NLGN4Y: variants seen among roughly 807,000 people sequenced by gnomAD.
The protein encoded by NLGN4Y is neuroligin 4 Y-linked, also known as neuroligin-4, Y-linked.
Under a neutral mutation model 8.4 loss-of-function variants are expected in NLGN4Y, and 4 were observed. The ratio of observed to expected loss-of-function variants is 0.48; its 90% confidence interval spans 0.23 to 1.09. The LOEUF (loss-of-function observed/expected upper bound fraction) is 1.09. NLGN4Y is among the 50% of genes least tolerant of loss of function. The pLI, the probability that NLGN4Y is intolerant of heterozygous loss-of-function variation, is 0.19. For synonymous variants in NLGN4Y, 35 were observed against 75.6 expected (o/e 0.46, Z 2.78); for missense variants, 90 against 192.3 (o/e 0.47, Z 3.15).
chrY:14,565,630 G>A, intron 1 of NLGN4Y, among the ~76,000 whole-genome samples: 1 of 32,852 alleles, frequency 3.0e-5, no homozygotes, highest in African/African-American at 1.2e-4. Context: ...CCCCAATCTA[G>A]CAAGATAGTC....
At chrY:14,567,312 C>G in intron 1 of NLGN4Y, among the ~76,000 whole-genome samples, 1 of 26,724 alleles carries the variant, frequency 3.7e-5, no homozygotes, top group Non-Finnish European at 8.6e-5. Flanking sequence ...TTACTGCAAC[C>G]ACTGCCTCCG....
intron 2 of NLGN4Y, among the ~76,000 whole-genome samples, chrY:14,649,751 G>A (rs372987685): frequency 1.2e-4 from 4 of 33,973 alleles, no homozygotes; most frequent in African/African-American, 4.6e-4. Context: ...CTCTGCAGCC[G>A]TGGTACTTTA....
intron 2 of NLGN4Y, among the ~76,000 whole-genome samples, chrY:14,632,219 G>A: frequency 3.0e-5 from 1 of 33,666 alleles, no homozygotes; most frequent in African/African-American, 1.2e-4. Context: ...GGAGGGGTAA[G>A]CTGAAGAGGT....
At chrY:14,675,574 G>A (rs997136012) in intron 2 of NLGN4Y, among the ~76,000 whole-genome samples, 2 of 32,711 alleles carry the variant, frequency 6.1e-5, no homozygotes, top group Middle Eastern at 0.026. Flanking sequence ...AGATCTTAGT[G>A]TTGGTTTGCA....
chrY:14,818,906 A>G, intron 4 of NLGN4Y, among the ~76,000 whole-genome samples: 1 of 32,645 alleles, frequency 3.1e-5, no homozygotes, highest in Non-Finnish European at 7.5e-5. Flanking sequence ...ATGCCTCCAG[A>G]TTTTGTTCGG....
chrY:14,588,596 G>A (rs2080349015), intron 1 of NLGN4Y, among the ~76,000 whole-genome samples: 1 of 33,533 alleles, frequency 3.0e-5, no homozygotes, highest in Non-Finnish European at 7.4e-5. Context: ...TTTATGTAGG[G>A]GATCTTTATG....
At chrY:14,760,892 C>T in intron 4 of NLGN4Y, among the ~76,000 whole-genome samples, 4 of 33,238 alleles carry the variant, frequency 1.2e-4, no homozygotes, top group Admixed American at 1.1e-3. Context: ...TCATTGCAAT[C>T]CCAAATGAAA....
intron 4 of NLGN4Y, among the ~76,000 whole-genome samples, chrY:14,801,542 CAAAAAAA>C (rs746849382): frequency 7.7e-4 from 4 of 5,174 alleles, no homozygotes; most frequent in South Asian, 3.6e-3. Flanking sequence ...TCAGATGAAC[CAAAAAAA>C]AAAAAAAAAA....
At position 14,843,074 on chromosome Y, in the gene NLGN4Y, A is replaced by C. The variant is rs1288458854; in HGVS notation, c.*1812A>C. On this transcript the variant is annotated 3_prime_UTR_variant, in exon 7 of 7. Coordinates refer to ENST00000684976, the MANE Select transcript of NLGN4Y (RefSeq NM_001365588.1). ...TGGGGATTCCCCATAAAAATTGTCCAGCTACCTGACTCTTTTGCAATAACA... is the reference window on the plus strand; with the variant it reads ...TGGGGATTCCCCATAAAAATTGTCCCGCTACCTGACTCTTTTGCAATAACA... 2 of 120,081 alleles carry C rather than the reference A, an allele frequency of 1.7e-5. No individual in the cohort carries two copies. Among genetic ancestry groups the C allele is most frequent in the Non-Finnish European group, 3.6e-5 (2 of 55,880 alleles). The allele number at this position is 120,081 out of a possible 400,897, so 30.0% of individuals were successfully genotyped here.
At chrY:14,555,584 G>C in intron 1 of NLGN4Y, among the ~76,000 whole-genome samples, 1 of 32,768 alleles carries the variant, frequency 3.1e-5, no homozygotes, top group Admixed American at 2.8e-4. Flanking sequence ...GAGACTTGCC[G>C]AACTCCATAA....
At chrY:14,673,951 T>C in intron 2 of NLGN4Y, among the ~76,000 whole-genome samples, 3 of 29,718 alleles carry the variant, frequency 1.0e-4, no homozygotes, top group Admixed American at 9.7e-4. Flanking sequence ...ACACCGCATA[T>C]GCATATTCTC....
chrY:14,608,873 C>G (rs763850501), intron 1 of NLGN4Y, among the ~76,000 whole-genome samples: 1 of 32,759 alleles, frequency 3.1e-5, no homozygotes, highest in Admixed American at 2.8e-4. Context: ...TTGTGGGTGT[C>G]CTTTCTTATT....
Position 14,845,397 on chromosome Y carries a change from CTGTG to C in NLGN4Y, c.*4147_*4150del. The C allele has an allele frequency of 3.1e-5, 1 of 32,513 alleles. No individual in the cohort carries two copies. Among genetic ancestry groups the C allele is most frequent in the South Asian group, 6.8e-4 (1 of 1,478 alleles). 8.1% of individuals were successfully genotyped at this position (32,513 alleles called of 400,897 possible). A position where few individuals can be genotyped will look rare whatever the true frequency, so the allele number is the denominator to read the frequency against. ...CATTTGTGCTCACATATACATTCCT[CTGTG>C]TGTGTGTGTGTATTACATTACTGCT... On this transcript the variant is annotated 3_prime_UTR_variant, in exon 7 of 7. Coordinates refer to ENST00000684976, the MANE Select transcript of NLGN4Y (RefSeq NM_001365588.1).
chrY:14,834,156 C>T lies in NLGN4Y; in HGVS notation c.1661+3637C>T, dbSNP rs774529934. The stretch of plus-strand genomic sequence containing the variant: ...AGCCGTGAGAATACCAGTGATCTCT[C>T]TGTTACTGAGTGCTTTTTAATGCCA... On this transcript the variant is annotated intron_variant, in intron 6 of 6. Transcript: ENST00000684976. Among the ~76,000 whole-genome samples the T allele has an allele frequency of 1.9e-3, 63 of 33,263 alleles. No individual in the cohort carries two copies. In the East Asian group the frequency reaches 0.045, roughly 24 times the overall value. The allele number at this position is 33,263 out of a possible 37,273, so 89.2% of individuals were successfully genotyped here.
chrY:14,775,528 A>G lies in NLGN4Y; in HGVS notation c.686-48660A>G, dbSNP rs1030254747. Among the ~76,000 whole-genome samples, 7 of 33,151 alleles carry G rather than the reference A, an allele frequency of 2.1e-4. No homozygotes were observed. The East Asian group carries it at 5.5e-3, about 26-fold the overall frequency. 88.9% of individuals were successfully genotyped at this position (33,151 alleles called of 37,273 possible). A position where few individuals can be genotyped will look rare whatever the true frequency, so the allele number is the denominator to read the frequency against. On this transcript the variant is annotated intron_variant, in intron 4 of 6. Transcript: ENST00000684976. Reference sequence around the variant, plus strand: ...ACACAGAATATTTCAGAAATTCTCAACACACACCACCAGTAAGTAATGCCA... The same window carrying G: ...ACACAGAATATTTCAGAAATTCTCAGCACACACCACCAGTAAGTAATGCCA...
chrY:14,703,543 G>A (rs1407135527), intron 2 of NLGN4Y, among the ~76,000 whole-genome samples: 3 of 33,365 alleles, frequency 9.0e-5, no homozygotes, highest in Non-Finnish European at 1.5e-4. Flanking sequence ...TACCAGTACC[G>A]TACTGTTTTG....
chrY:14,592,693 A>G (rs780441604), intron 1 of NLGN4Y, among the ~76,000 whole-genome samples: 1 of 33,332 alleles, frequency 3.0e-5, no homozygotes, highest in African/African-American at 1.2e-4. Context: ...GACCAACACT[A>G]GATCTCCTGG....
At chrY:14,599,135 TAA>T (rs2080417989) in intron 1 of NLGN4Y, among the ~76,000 whole-genome samples, 1 of 28,094 alleles carries the variant, frequency 3.6e-5, no homozygotes, top group East Asian at 8.7e-4. Flanking sequence ...CTATTAGTGA[TAA>T]GTGATAAAGA....
At chrY:14,636,189 G>A (rs2080564835) in intron 2 of NLGN4Y, among the ~76,000 whole-genome samples, 1 of 33,527 alleles carries the variant, frequency 3.0e-5, no homozygotes, top group Non-Finnish European at 7.4e-5. Flanking sequence ...TGACATTGCA[G>A]GATTCATAAG....
Sources: allele counts gnomAD v4.1 joint callset (sites outside exome capture counted in the v4.1 genomes callset), GRCh38; gene constraint gnomAD v4.1.1; transcripts MANE v1.5; gene names NCBI Gene and HGNC (gene_info 2026-07-23, HGNC 2026-07-21).